UBR1: variants seen among roughly 807,000 people sequenced by gnomAD.
The protein encoded by UBR1 is E3 ubiquitin-protein ligase UBR1.
In UBR1, 102 loss-of-function variants were observed where a neutral mutation model predicts 242.1. That is an observed-to-expected ratio of 0.42 (90% CI 0.36 to 0.50). The LOEUF is 0.50. Among genes scored for constraint, UBR1 ranks in the 20% least tolerant of loss-of-function variants. The pLI, the probability that UBR1 is intolerant of heterozygous loss-of-function variation, is 0.01. For missense variants in UBR1, 1,772 were observed against 2,101.8 expected, an observed-to-expected ratio of 0.84 and a Z score of 3.07; for synonymous variants, 675 against 684.8, an observed-to-expected ratio of 0.99 and a Z score of 0.22.
intron 14 of UBR1, 39 bp downstream of exon 14, chr15:43,047,122 C>G (rs373657446): frequency 1.2e-6 from 2 of 1,612,208 alleles, no homozygotes; most frequent in African/African-American, 1.3e-5. Flanking sequence ...TTACTAAGAA[C>G]TTAAAAAGGC....
At chr15:43,075,206 T>C (rs924070165) in intron 3 of UBR1, 117 bp from the exon 4 acceptor site, 12 of 882,842 alleles carry the variant, frequency 1.4e-5, no homozygotes, top group African/African-American at 3.3e-5. Context: ...TTGAGTTCAA[T>C]GTAATATTAA....
In UBR1 at chr15:43,015,829, G is replaced by T; in HGVS notation, c.3068C>A (p.Ala1023Asp). The stretch of plus-strand genomic sequence containing the variant: ...CTGGCGATGTAGCCTAGCAGCTTCA[G>T]CTTTTCTTTTTCGTTCTGCTTTTTC... ...DKEKAERKRK[A>D]EAARLHRQKI... Residue 1023 changes from alanine (A) to aspartate (D), a missense_variant, in exon 29 of 47, where the codon GCT becomes GAT. Ala to Asp is a moderately radical substitution (Grantham distance 126). Around this residue, in one of 3 missense-constraint regions of UBR1, gnomAD observed 965 missense variants for 1,079.7 expected, o/e 0.89. Transcript: ENST00000290650. 6.2e-7 allele frequency: 1 copy of T among 1,614,068 alleles called. No homozygotes were observed.
At chr15:42,975,905 A>G (rs2032281677) in intron 39 of UBR1, among the ~76,000 whole-genome samples, 1 of 152,058 alleles carries the variant, frequency 6.6e-6, no homozygotes, top group Admixed American at 6.5e-5. Context: ...TTTTGTAGAG[A>G]TAGGGTCTCA....
chr15:43,085,356 A>C (rs1325047837), intron 2 of UBR1, among the ~76,000 whole-genome samples: 1 of 152,236 alleles, frequency 6.6e-6, no homozygotes, highest in Non-Finnish European at 1.5e-5. Flanking sequence ...TTCAGGTAAG[A>C]GTGTACTGGA....
chr15:43,048,394 G>A lies in UBR1; in HGVS notation c.1537C>T (p.Gln513Ter), dbSNP rs119477055. ...GATGTACAGAAAAATGATCATACCT[G>A]CATACAGGTAAGAATCTTCAAAAAA... The part of the protein sequence containing the change: ...RSFLKILTCM[Q>*]GMEEIRRQVG... Residue 513 changes from glutamine to a stop codon, truncating the protein, a stop_gained and splice_region_variant, in exon 13 of 47, where the codon CAG (glutamine) becomes TAG (stop). Coordinates refer to ENST00000290650, the MANE Select transcript of UBR1 (RefSeq NM_174916.3). LOFTEE classifies it high-confidence loss of function. The A allele has an allele frequency of 6.2e-7, 1 of 1,608,678 alleles. No homozygotes were observed. Among genetic ancestry groups the A allele is most frequent in the Admixed American group, 1.7e-5 (1 of 59,904 alleles).
intron 37 of UBR1, among the ~76,000 whole-genome samples, chr15:42,982,283 C>A (rs1319477417): frequency 2.0e-5 from 3 of 151,882 alleles, no homozygotes; most frequent in African/African-American, 7.3e-5. Context: ...GAAAAAGATA[C>A]CAAAAAATTA....
At chr15:42,957,959 C>A in intron 44 of UBR1, 54 bp downstream of exon 44, 1 of 1,456,106 alleles carries the variant, frequency 6.9e-7, no homozygotes, top group East Asian at 2.3e-5. Flanking sequence ...ATACCAATTG[C>A]GAGTTCAGAA....
Position 42,976,983 on chromosome 15 carries a change from T to A in UBR1, c.4219-116A>T, listed in dbSNP as rs190904681. The A allele has an allele frequency of 4.6e-5, 53 of 1,149,766 alleles. 1 individual carries two copies. Among genetic ancestry groups the A allele is most frequent in the African/African-American group, 4.3e-4 (28 of 65,160 alleles). The allele number at this position is 1,149,766 out of a possible 1,614,324, so 71.2% of individuals were successfully genotyped here. A position where few individuals can be genotyped will look rare whatever the true frequency, so the allele number is the denominator to read the frequency against. On this transcript the variant is annotated intron_variant, in intron 38 of 46. Transcript: ENST00000290650. ...ACACAGTGTTTGTGTGTGTGTTTTT[T>A]AATAAAAACCATATTTTTCTTATTT... is the stretch of plus-strand genomic sequence containing the variant.
chr15:43,022,824 C>A (rs2033127653), intron 25 of UBR1, 23 bp from the exon 26 acceptor site: 1 of 1,485,444 alleles, frequency 6.7e-7, no homozygotes, highest in Non-Finnish European at 9.4e-7. Flanking sequence ...AATAAGAGAT[C>A]TTTAAAATTG....
At chr15:43,059,505 T>C (rs578029663) in intron 8 of UBR1, among the ~76,000 whole-genome samples, 197 bp downstream of exon 8, 3 of 152,082 alleles carry the variant, frequency 2.0e-5, no homozygotes, top group Non-Finnish European at 2.9e-5. Flanking sequence ...AAAGATATTA[T>C]TTGATACTAT....
At chr15:43,086,437 GAAA>G (rs370942763) in intron 1 of UBR1, among the ~76,000 whole-genome samples, 197 bp from the exon 2 acceptor site, 3 of 86,102 alleles carry the variant, frequency 3.5e-5, no homozygotes, top group Non-Finnish European at 4.8e-5. Flanking sequence ...ACCAGTATCT[GAAA>G]AAAAAAAAAA....
intron 29 of UBR1, among the ~76,000 whole-genome samples, chr15:43,008,516 G>T (rs1472925445): frequency 6.6e-6 from 1 of 152,274 alleles, no homozygotes; most frequent in Non-Finnish European, 1.5e-5. Flanking sequence ...GGGCCTGCAG[G>T]TGCCCCTTGG....
chr15:43,057,965 A>G (rs1339059141), intron 10 of UBR1, among the ~76,000 whole-genome samples: 2 of 151,200 alleles, frequency 1.3e-5, no homozygotes, highest in African/African-American at 4.9e-5. Context: ...ACTAGAGGGC[A>G]GTGGCGCGAT....
chr15:43,024,241 C>G (rs1334565624), intron 25 of UBR1, among the ~76,000 whole-genome samples: 1 of 151,994 alleles, frequency 6.6e-6, no homozygotes, highest in Admixed American at 6.6e-5. Context: ...AACCTGTAGA[C>G]CAACAATACT....
Position 42,955,577 on chromosome 15 carries a change from A to T in UBR1, c.4835+2436T>A, listed in dbSNP as rs116103891. 7.7e-3 allele frequency among the ~76,000 whole-genome samples: 1,166 copies of T among 152,340 alleles called. 15 individuals are homozygous for T. The highest frequency in any genetic ancestry group is 0.027 in the African/African-American group (1,114 of 41,576). ...GTCATCATTATCAATGTGGTTTGCTATGGGAGGTGATATGATGCCTCCTGA... is the reference window on the plus strand; with the variant it reads ...GTCATCATTATCAATGTGGTTTGCTTTGGGAGGTGATATGATGCCTCCTGA... On this transcript the variant is annotated intron_variant, in intron 44 of 46. Transcript: ENST00000290650.
chr15:42,980,504 G>A (rs1334569373), intron 37 of UBR1, among the ~76,000 whole-genome samples: 1 of 152,148 alleles, frequency 6.6e-6, no homozygotes, highest in Non-Finnish European at 1.5e-5. Flanking sequence ...TTCCTTGAAG[G>A]ATGGTGACTA....
chr15:43,104,068 G>A (rs1005603523), intron 1 of UBR1, among the ~76,000 whole-genome samples: 11 of 152,000 alleles, frequency 7.2e-5, no homozygotes, highest in African/African-American at 2.2e-4. Flanking sequence ...AAATTATTTG[G>A]GCCCTTATAT....
chr15:42,970,676 AT>A, intron 39 of UBR1, 69 bp from the exon 40 acceptor site: 2 of 1,386,792 alleles, frequency 1.4e-6, no homozygotes, highest in Non-Finnish European at 2.0e-6. Flanking sequence ...CTTTAATTTC[AT>A]TGTTCCAAGA....
At chr15:42,988,236 G>A (rs1205366612) in intron 35 of UBR1, among the ~76,000 whole-genome samples, 1 of 151,696 alleles carries the variant, frequency 6.6e-6, no homozygotes, top group Non-Finnish European at 1.5e-5. Context: ...CTTACATCAT[G>A]CTGTTCCTTT....
Sources: allele counts gnomAD v4.1 joint callset (sites outside exome capture counted in the v4.1 genomes callset), GRCh38; gene constraint gnomAD v4.1.1; regional missense constraint gnomAD v4.1.1; transcripts MANE v1.5; gene names NCBI Gene and HGNC (gene_info 2026-07-23, HGNC 2026-07-21).